Variants in FIS1 observed in about 807,000 individuals in gnomAD.
FIS1 encodes the protein mitochondrial fission 1 protein.
FIS1 carries 16 observed loss-of-function variants against 21.6 expected under a neutral mutation model. That is an observed-to-expected ratio of 0.74 (90% CI 0.50 to 1.12). FIS1 has a LOEUF of 1.12. Among genes scored for constraint, FIS1 ranks in the 50% most tolerant of loss-of-function variants. The pLI, the probability that FIS1 is intolerant of heterozygous loss-of-function variation, is 0.00. For missense variants in FIS1, 198 were observed against 190.9 expected (o/e 1.04, Z -0.22); for synonymous variants, 92 against 82.2 (o/e 1.12, Z -0.65).
In FIS1 at chr7:101,239,967, C is replaced by T. The variant is rs1449138073; in HGVS notation, c.362-64G>A. Reference sequence around the variant, plus strand: ...TGCGGAAACCCTGACCGTCCCCTTCCGCCAGCCCTGCCCCTCAACAGAGGC... The same window carrying T: ...TGCGGAAACCCTGACCGTCCCCTTCTGCCAGCCCTGCCCCTCAACAGAGGC... On this transcript the variant is annotated intron_variant, in intron 4 of 4. Coordinates refer to ENST00000223136, the MANE Select transcript of FIS1 (RefSeq NM_016068.3). The T allele has an allele frequency of 3.4e-6, 5 of 1,488,854 alleles. No individual in the cohort carries two copies. In the East Asian group the frequency reaches 9.7e-5, roughly 29 times the overall value. 92.2% of individuals were successfully genotyped at this position (1,488,854 alleles called of 1,614,324 possible).
intron 1 of FIS1, chr7:101,244,485 C>G (rs1223265550): frequency 2.9e-6 from 1 of 345,416 alleles, no homozygotes; most frequent in African/African-American, 2.1e-5. Context: ...TCATTTGAGG[C>G]TGCTGGCCCC....
Position 101,239,558 on chromosome 7 carries a change from C to T in FIS1, c.*248G>A, listed in dbSNP as rs1419767017. Reference sequence around the variant, plus strand: ...GAGAGGACCAGGAGTGACGTCTCCGCCCCCTGTGCCCAGCGTTCAGAACCC... The same window carrying T: ...GAGAGGACCAGGAGTGACGTCTCCGTCCCCTGTGCCCAGCGTTCAGAACCC... On this transcript the variant is annotated 3_prime_UTR_variant, in exon 5 of 5. Coordinates refer to ENST00000223136, the MANE Select transcript of FIS1 (RefSeq NM_016068.3). 1.7e-6 allele frequency: 1 copy of T among 573,162 alleles called. No individual in the cohort carries two copies. The highest frequency in any genetic ancestry group is 3.2e-6 in the Non-Finnish European group (1 of 311,970). The allele number at this position is 573,162 out of a possible 1,614,324, so 35.5% of individuals were successfully genotyped here.
intron 2 of FIS1, among the ~76,000 whole-genome samples, chr7:101,243,252 A>G (rs1481543356): frequency 6.6e-6 from 1 of 152,146 alleles, no homozygotes; most frequent in Non-Finnish European, 1.5e-5. Context: ...GACCCACCTA[A>G]AACCAATAGG....
At position 101,244,971 on chromosome 7, in the gene FIS1, C is replaced by T. The variant is rs375661664; in HGVS notation, c.34G>A (p.Glu12Lys). ...GGGCCAGGCCTCACCAGCAGGTCCT[C>T]CACAGACACCAGCTCGTTCAGCACG... ...EAVLNELVSV[E>K]DLLKFEKKFQ... Residue 12 changes from glutamate to lysine, a missense_variant, in exon 1 of 5, where the codon GAG becomes AAG. Glu to Lys is a moderately conservative substitution (Grantham distance 56). Coordinates refer to ENST00000223136, the MANE Select transcript of FIS1 (RefSeq NM_016068.3). The T allele has an allele frequency of 1.6e-5, 26 of 1,613,992 alleles. No homozygotes were observed. In the Admixed American group the frequency reaches 2.8e-4, roughly 18 times the overall value.
At chr7:101,241,257 G>A (rs758861780) in intron 2 of FIS1, 7 of 230,288 alleles carry the variant, frequency 3.0e-5, no homozygotes, top group East Asian at 1.2e-4. Flanking sequence ...AGTTTCACTC[G>A]TCGCCCAGGC....
intron 3 of FIS1, 142 bp downstream of exon 3, chr7:101,240,687 TC>T: frequency 1.3e-6 from 1 of 765,552 alleles, no homozygotes; most frequent in South Asian, 1.6e-5. Flanking sequence ...ACTCTGATCT[TC>T]CCTCGGAGTC....
At chr7:101,242,680 G>C (rs1798765413) in intron 2 of FIS1, among the ~76,000 whole-genome samples, 1 of 151,790 alleles carries the variant, frequency 6.6e-6, no homozygotes, top group Non-Finnish European at 1.5e-5. Context: ...GTAGAGACAG[G>C]GTTTCACCAT....
rs541791467 is a variant in FIS1, at chr7:101,243,765, T to C, written c.178+242A>G. On this transcript the variant is annotated intron_variant, in intron 2 of 4. Coordinates refer to ENST00000223136, the MANE Select transcript of FIS1 (RefSeq NM_016068.3). ...CCCAATTCAGCCATTAACTGATTAGTTGGGTGACCTCAAGTCACTTTCCCA... is the reference window on the plus strand; with the variant it reads ...CCCAATTCAGCCATTAACTGATTAGCTGGGTGACCTCAAGTCACTTTCCCA... Among the ~76,000 whole-genome samples the C allele has an allele frequency of 9.8e-5, 15 of 152,288 alleles. 2 individuals carry two copies. Among genetic ancestry groups the C allele is most frequent in the Non-Finnish European group, 1.5e-4 (10 of 68,024 alleles).
At chr7:101,244,250 T>C in intron 1 of FIS1, 111 bp from the exon 2 acceptor site, 1 of 1,369,060 alleles carries the variant, frequency 7.3e-7, no homozygotes, top group Non-Finnish European at 9.7e-7. Context: ...TCTCGGTATC[T>C]GGCACCCCAG....
intron 2 of FIS1, chr7:101,241,220 T>A (rs1180379459): frequency 3.2e-6 from 1 of 315,860 alleles, no homozygotes; most frequent in Admixed American, 4.7e-5. Flanking sequence ...AGTTTTGGCA[T>A]CTGCTGTGGT....
At position 101,239,903 on chromosome 7, in the gene FIS1, T is replaced by C. The variant is rs1414639804; in HGVS notation, c.362A>G (p.Asp121Gly). 6.2e-7 allele frequency: 1 copy of C among 1,601,744 alleles called. No homozygotes were observed. Among genetic ancestry groups the C allele is most frequent in the South Asian group, 1.1e-5 (1 of 89,156 alleles). ...ERLIDKAMKK[D>G]GLVGMAIVGG... ...CACGATGGCCATGCCCACGAGTCCA[T>C]CTGGGGAAGGAAAGGGACAGTGTCA... is the stretch of plus-strand genomic sequence containing the variant. Residue 121 changes from aspartate (D) to glycine (G), a missense_variant and splice_region_variant, in exon 5 of 5, where the codon GAT becomes GGT. By Grantham distance (94) the Asp-to-Gly change is moderately conservative (BLOSUM62 -1). Transcript: ENST00000223136.
rs1798702246 is a variant in FIS1 at position 101,239,517 on chromosome 7, T to C, written c.*289A>G. 1 of 488,636 alleles carries C rather than the reference T, an allele frequency of 2.0e-6. No homozygotes were observed. Among genetic ancestry groups the C allele is most frequent in the Admixed American group, 3.2e-5 (1 of 31,024 alleles). The allele number at this position is 488,636 out of a possible 1,614,324, so 30.3% of individuals were successfully genotyped here. On this transcript the variant is annotated 3_prime_UTR_variant, in exon 5 of 5. Transcript: ENST00000223136. ...GTGGACAAAGAACCCCGTGCCAACCTGGAGGGCAGGGGCAGGAGAGGACCA... is the reference window on the plus strand; with the variant it reads ...GTGGACAAAGAACCCCGTGCCAACCCGGAGGGCAGGGGCAGGAGAGGACCA...
rs1175026580 is a variant in FIS1 at position 101,244,154 on chromosome 7, G to A, written c.46-15C>T. 1 of 1,611,414 alleles carries A rather than the reference G, an allele frequency of 6.2e-7. No individual in the cohort carries two copies. On this transcript the variant is annotated splice_polypyrimidine_tract_variant and intron_variant, in intron 1 of 4. Coordinates refer to ENST00000223136, the MANE Select transcript of FIS1 (RefSeq NM_016068.3). ...TTTTCAAACTTCTGCCACAGGGGAGGAAAGGAATCATTTAGAAATGTAGGG... is the reference window on the plus strand; with the variant it reads ...TTTTCAAACTTCTGCCACAGGGGAGAAAAGGAATCATTTAGAAATGTAGGG...
chr7:101,244,776 C>G (rs1197411474), intron 1 of FIS1, 184 bp downstream of exon 1: 4 of 682,614 alleles, frequency 5.9e-6, no homozygotes, highest in Non-Finnish European at 5.0e-6. Context: ...ACTACAACTC[C>G]CAGGAGCCTC....
At chr7:101,240,603 T>A (rs1221012886) in intron 3 of FIS1, among the ~76,000 whole-genome samples, 7 of 152,096 alleles carry the variant, frequency 4.6e-5, no homozygotes, top group African/African-American at 7.2e-5. Context: ...ACCCCAACTC[T>A]GCGGGAGATA....
At chr7:101,240,791 C>T in intron 3 of FIS1, 39 bp downstream of exon 3, 9 of 1,600,228 alleles carry the variant, frequency 5.6e-6, no homozygotes, top group Non-Finnish European at 7.7e-6. Flanking sequence ...GGTCCTGCAG[C>T]CCCAGAGGAG....
At chr7:101,240,291 T>TAA in intron 3 of FIS1, 44 bp from the exon 4 acceptor site, 1 of 1,587,938 alleles carries the variant, frequency 6.3e-7, no homozygotes, top group Non-Finnish European at 8.6e-7. Flanking sequence ...ACCGCAGTGT[T>TAA]TTTTTGTTTG....
intron 2 of FIS1, among the ~76,000 whole-genome samples, chr7:101,241,337 C>T (rs919113276): frequency 3.9e-5 from 6 of 152,112 alleles, no homozygotes; most frequent in Non-Finnish European, 8.8e-5. Context: ...TCTCCTGCCT[C>T]GGTTTCCCGA....
chr7:101,243,230 C>G (rs75628363), intron 2 of FIS1, among the ~76,000 whole-genome samples: 3,296 of 152,240 alleles, frequency 0.022, 129 homozygotes, highest in African/African-American at 0.075. Context: ...ATTGTGGCCT[C>G]TGACAAATGA....
Sources: allele counts gnomAD v4.1 joint callset (sites outside exome capture counted in the v4.1 genomes callset), GRCh38; gene constraint gnomAD v4.1.1; transcripts MANE v1.5; gene names NCBI Gene and HGNC (gene_info 2026-07-23, HGNC 2026-07-21).